MCM4: variants seen among roughly 807,000 people sequenced by gnomAD.
MCM4 encodes the protein minichromosome maintenance complex component 4.
Under a neutral mutation model 88.7 loss-of-function variants are expected in MCM4, and 60 were observed. The observed-to-expected ratio is 0.68, with a 90% CI of 0.55 to 0.84. MCM4 has a LOEUF of 0.84. Among genes scored for constraint, MCM4 ranks in the 40% least tolerant of loss-of-function variants. MCM4 has a pLI of 0.00. For synonymous variants in MCM4, 465 were observed against 410.5 expected, an observed-to-expected ratio of 1.13 and a Z score of -1.61; for missense variants, 1,149 against 1,105.5, an observed-to-expected ratio of 1.04 and a Z score of -0.56.
Position 47,974,793 on chromosome 8 carries a change from A to G in MCM4, c.2196A>G (p.Arg732=). 6.2e-7 allele frequency: 1 copy of G among 1,614,238 alleles called. No homozygotes were observed. The highest frequency in any genetic ancestry group is 1.1e-5 in the South Asian group (1 of 91,092). The change falls in exon 15 of 17, where the codon CGA becomes CGG. Residue 732 remains arginine, a synonymous_variant. Transcript: ENST00000649973. ...SSRGMVSAYP[R]QLESLIRLAE... is the part of the protein sequence containing the mutation. ...GGGGAATGGTTTCTGCATACCCTCG[A>G]CAGCTAGAGTCATTAATCCGCTTAG...
At position 47,974,885 on chromosome 8, in the gene MCM4, G is replaced by A. The variant is rs770266639; in HGVS notation, c.2288G>A (p.Arg763His). Residue 763 changes from arginine to histidine, a missense_variant, in exon 15 of 17, where the codon CGC becomes CAC. Physicochemically the swap from Arg to His is conservative, Grantham distance 29 (BLOSUM62 0). Coordinates refer to ENST00000649973, the MANE Select transcript of MCM4 (RefSeq NM_182746.3). ...VEAIDVEEAK[R>H]LHREALKQSA... ...GCCATTGATGTGGAAGAGGCCAAAC[G>A]CCTCCATCGGGAAGCTCTGAAGCAG... is the stretch of plus-strand genomic sequence containing the variant. 14 of 1,614,092 alleles carry A rather than the reference G, an allele frequency of 8.7e-6. No individual in the cohort carries two copies. The highest frequency in any genetic ancestry group is 3.3e-5 in the Admixed American group (2 of 60,010).
Position 47,972,635 on chromosome 8 carries a change from C to T in MCM4, c.1929-222C>T, listed in dbSNP as rs574294612. Among the ~76,000 whole-genome samples, 7 of 152,242 alleles carry T rather than the reference C, an allele frequency of 4.6e-5. No homozygotes were observed. The East Asian group carries it at 1.2e-3, about 25-fold the overall frequency. On this transcript the variant is annotated intron_variant, in intron 13 of 16. Coordinates refer to ENST00000649973, the MANE Select transcript of MCM4 (RefSeq NM_182746.3). Reference sequence around the variant, plus strand: ...GCAGTGACGCGAACTTGGCTCACCGCAACCTTCGCCTTCCAGGTTCAAGCG... The same window carrying T: ...GCAGTGACGCGAACTTGGCTCACCGTAACCTTCGCCTTCCAGGTTCAAGCG...
Position 47,974,845 on chromosome 8 carries a change from T to C in MCM4, c.2248T>C (p.Ser750Pro). Residue 750 changes from serine to proline, a missense_variant, in exon 15 of 17, where the codon TCT (serine) becomes CCT (proline). Ser to Pro is a moderately conservative substitution (Grantham distance 74, BLOSUM62 -1). Coordinates refer to ENST00000649973, the MANE Select transcript of MCM4 (RefSeq NM_182746.3). ...AGAAGCCCATGCTAAAGTAAGATTG[T>C]CTAACAAAGTTGAAGCCATTGATGT... ...LAEAHAKVRL[S>P]NKVEAIDVEE... The C allele has an allele frequency of 1.9e-6, 3 of 1,614,224 alleles. No individual in the cohort carries two copies. The highest frequency in any genetic ancestry group is 2.2e-5 in the East Asian group (1 of 44,886).
In MCM4 at chr8:47,975,738, C is replaced by T. The variant is rs749728850; in HGVS notation, c.2389C>T (p.Arg797Trp). 7.1e-5 allele frequency: 111 copies of T among 1,572,088 alleles called. No homozygotes were observed. The highest frequency in any genetic ancestry group is 3.4e-4 in the Middle Eastern group (2 of 5,960). ...TTGMSATSRK[R>W]KEELAEALKK... is the part of the protein sequence containing the mutation. Reference sequence around the variant, plus strand: ...AGGGATGAGTGCCACCTCTCGTAAACGGAAAGAAGAATTAGCTGAAGCATT... The same window carrying T: ...AGGGATGAGTGCCACCTCTCGTAAATGGAAAGAAGAATTAGCTGAAGCATT... The change falls in exon 16 of 17, where the codon CGG becomes TGG. Residue 797 changes from arginine to tryptophan, a missense_variant. Arg to Trp is a moderately radical substitution (Grantham distance 101, BLOSUM62 -3). Around this residue, in one of 3 missense-constraint regions of MCM4, gnomAD observed 238 missense variants for 241.6 expected, o/e 0.99. Transcript: ENST00000649973.
Position 47,971,343 on chromosome 8 carries a change from T to C in MCM4, c.1803T>C (p.Ala601=). 1 of 1,614,112 alleles carries C rather than the reference T, an allele frequency of 6.2e-7. No individual in the cohort carries two copies. Among genetic ancestry groups the C allele is most frequent in the Non-Finnish European group, 8.5e-7 (1 of 1,180,014 alleles). The change falls in exon 13 of 17, where the codon GCT becomes GCC. Residue 601 remains alanine, a splice_region_variant and synonymous_variant. Coordinates refer to ENST00000649973, the MANE Select transcript of MCM4 (RefSeq NM_182746.3). ...MEQQTLSIAK[A]GIICQLNART... ...AACTGCACTCTTTGCTCTGATAGGC[T>C]GGGATCATCTGTCAGCTCAATGCGC...
In MCM4 at chr8:47,970,696, A is replaced by T; in HGVS notation, c.1620A>T (p.Ala540=). The T allele has an allele frequency of 6.2e-7, 1 of 1,614,184 alleles. No homozygotes were observed. Among genetic ancestry groups the T allele is most frequent in the Non-Finnish European group, 8.5e-7 (1 of 1,180,040 alleles). The change falls in exon 12 of 17, where the codon GCA becomes GCT. Residue 540 remains alanine, a synonymous_variant. Coordinates refer to ENST00000649973, the MANE Select transcript of MCM4 (RefSeq NM_182746.3). ...GQYTSGKGSS[A]VGLTAYVMKD... is the part of the protein sequence containing the mutation. ...ACACGTCTGGGAAGGGCTCCAGTGC[A>T]GTTGGCCTCACTGCGTACGTAATGA... is the stretch of plus-strand genomic sequence containing the variant.
intron 8 of MCM4, among the ~76,000 whole-genome samples, chr8:47,965,596 C>G (rs17287604): frequency 0.014 from 2,101 of 152,170 alleles, 39 homozygotes; most frequent in African/African-American, 0.04. Context: ...AAATTAGTTG[C>G]GGGCAGTGGG....
In MCM4 at chr8:47,961,233, G is replaced by A. The variant is rs762369572; in HGVS notation, c.70+19G>A. ...CAGACGCGTGAGTCCCCCGAGCCGG[G>A]CCCACTACAGCCCCCGGCGCCGCCC... is the stretch of plus-strand genomic sequence containing the variant. On this transcript the variant is annotated intron_variant, in intron 2 of 16. Coordinates refer to ENST00000649973, the MANE Select transcript of MCM4 (RefSeq NM_182746.3). The A allele has an allele frequency of 1.4e-6, 2 of 1,480,020 alleles. No individual in the cohort carries two copies. The highest frequency in any genetic ancestry group is 8.9e-7 in the Non-Finnish European group (1 of 1,124,312). The allele number at this position is 1,480,020 out of a possible 1,614,324, so 91.7% of individuals were successfully genotyped here.
chr8:47,969,900 C>T lies in MCM4; in HGVS notation c.1277C>T (p.Ala426Val). 2 of 1,614,196 alleles carry T rather than the reference C, an allele frequency of 1.2e-6. No homozygotes were observed. The highest frequency in any genetic ancestry group is 1.7e-5 in the Admixed American group (1 of 60,020). Residue 426 changes from alanine (A) to valine (V), a missense_variant, in exon 11 of 17, where the codon GCA becomes GTA. Ala to Val is a moderately conservative substitution (Grantham distance 64, BLOSUM62 0). Around this residue, in one of 3 missense-constraint regions of MCM4, gnomAD observed 906 missense variants for 843.0 expected, o/e 1.07. Coordinates refer to ENST00000649973, the MANE Select transcript of MCM4 (RefSeq NM_182746.3). ...GTCATTCATTATCGGAAAACGGATG[C>T]AAAACGTCTGCATGGCCTTGATGAA... ...IDVIHYRKTDAKRLHGLDEEA... is the reference protein window; with the variant it reads ...IDVIHYRKTDVKRLHGLDEEA...
chr8:47,975,043 C>T (rs2090989703), intron 15 of MCM4, 81 bp downstream of exon 15: 6 of 1,110,242 alleles, frequency 5.4e-6, no homozygotes, highest in Non-Finnish European at 7.7e-6. Flanking sequence ...TTTAAGCTAA[C>T]AGTTAAATCA....
At position 47,969,982 on chromosome 8, in the gene MCM4, C is replaced by G; in HGVS notation, c.1359C>G (p.Ser453=). The change falls in exon 11 of 17, where the codon TCC becomes TCG. Residue 453 remains serine (S), a synonymous_variant. Coordinates refer to ENST00000649973, the MANE Select transcript of MCM4 (RefSeq NM_182746.3). ...EKRVELLKEL[S]RKPDIYERLA... is the part of the protein sequence containing the mutation. ...GTGTGGAATTGCTTAAGGAACTTTC[C>G]AGGAAACCAGACATTTATGAGAGGC... 6.2e-7 allele frequency: 1 copy of G among 1,614,198 alleles called. No homozygotes were observed. The highest frequency in any genetic ancestry group is 1.7e-5 in the Admixed American group (1 of 60,026).
intron 8 of MCM4, among the ~76,000 whole-genome samples, chr8:47,964,938 G>C (rs1052143128): frequency 6.6e-6 from 1 of 152,154 alleles, no homozygotes; most frequent in Non-Finnish European, 1.5e-5. Flanking sequence ...ACTATTGGCC[G>C]GGCACAGTGG....
intron 16 of MCM4, among the ~76,000 whole-genome samples, 178 bp downstream of exon 16, chr8:47,976,026 G>A (rs1352208638): frequency 6.6e-6 from 1 of 152,144 alleles, no homozygotes; most frequent in Non-Finnish European, 1.5e-5. Flanking sequence ...GCTGGGTGCA[G>A]TAGCTCACGC....
chr8:47,967,394 G>C lies in MCM4; in HGVS notation c.1083G>C (p.Met361Ile), dbSNP rs193178051. 2 of 1,614,152 alleles carry C rather than the reference G, an allele frequency of 1.2e-6. No homozygotes were observed. The highest frequency in any genetic ancestry group is 8.5e-7 in the Non-Finnish European group (1 of 1,180,026). The stretch of plus-strand genomic sequence containing the variant: ...AGCTTCAGGAGTCTCCGGAAGACAT[G>C]CCTGCAGGGCAGACACCACACACAG... Reference protein sequence around the residue: ...MIKLQESPEDMPAGQTPHTVI... With the variant: ...MIKLQESPEDIPAGQTPHTVI... Residue 361 changes from methionine to isoleucine, a missense_variant, in exon 10 of 17, where the codon ATG (methionine) becomes ATC (isoleucine). By Grantham distance (10) the Met-to-Ile change is conservative (BLOSUM62 1). Around this residue, in one of 3 missense-constraint regions of MCM4, gnomAD observed 906 missense variants for 843.0 expected, o/e 1.07. Transcript: ENST00000649973.
rs1428925412 is a variant in MCM4 at position 47,961,025 on chromosome 8, G to C, written c.-15+11G>C. 9.0e-7 allele frequency: 1 copy of C among 1,105,908 alleles called. No homozygotes were observed. Among genetic ancestry groups the C allele is most frequent in the Non-Finnish European group, 1.2e-6 (1 of 824,550 alleles). The allele number at this position is 1,105,908 out of a possible 1,614,324, so 68.5% of individuals were successfully genotyped here. ...GGCCGCCTTTCCACGGTAACCGCGC[G>C]CCGGCGGGGAGGGCGTGGCGCGGAG... is the stretch of plus-strand genomic sequence containing the variant. On this transcript the variant is annotated intron_variant, in intron 1 of 16. Transcript: ENST00000649973.
intron 3 of MCM4, 49 bp downstream of exon 3, chr8:47,961,729 G>T: frequency 6.5e-7 from 1 of 1,549,154 alleles, no homozygotes. Flanking sequence ...CACAGCTGAT[G>T]CTTTATCTGC....
intron 8 of MCM4, among the ~76,000 whole-genome samples, 162 bp downstream of exon 8, chr8:47,964,874 A>G (rs1254625608): frequency 2.0e-5 from 3 of 152,246 alleles, no homozygotes; most frequent in Non-Finnish European, 2.9e-5. Context: ...CTATATACTT[A>G]TGAACCCCCT....
chr8:47,970,119 A>C lies in MCM4; in HGVS notation c.1434+62A>C, dbSNP rs184017790. On this transcript the variant is annotated intron_variant, in intron 11 of 16. Coordinates refer to ENST00000649973, the MANE Select transcript of MCM4 (RefSeq NM_182746.3). ...AATTCTTTGGGATCAAATAGTATAA[A>C]CATCCACTCCGCCACTCGAGCCATC... The C allele has an allele frequency of 2.5e-4, 394 of 1,557,172 alleles. 1 individual carries two copies. In the African/African-American group the frequency reaches 4.7e-3, roughly 19 times the overall value.
chr8:47,961,518 C>T lies in MCM4; in HGVS notation c.73C>T (p.Arg25Trp). 1 of 1,613,964 alleles carries T rather than the reference C, an allele frequency of 6.2e-7. No individual in the cohort carries two copies. The highest frequency in any genetic ancestry group is 1.1e-5 in the South Asian group (1 of 91,068). ...TTTTCTGTTTTGTGTGACACAAGCTCGGAGTGAGGATGCCAGGTCATCTCC... is the reference window on the plus strand; with the variant it reads ...TTTTCTGTTTTGTGTGACACAAGCTTGGAGTGAGGATGCCAGGTCATCTCC... ...RGRATPAQTP[R>W]SEDARSSPSQ... Residue 25 changes from arginine to tryptophan, a missense_variant and splice_region_variant, in exon 3 of 17, where the codon CGG becomes TGG. Arg to Trp is a moderately radical substitution (Grantham distance 101). Around this residue, in one of 3 missense-constraint regions of MCM4, gnomAD observed 906 missense variants for 843.0 expected, o/e 1.07. Coordinates refer to ENST00000649973, the MANE Select transcript of MCM4 (RefSeq NM_182746.3).
Sources: gnomAD v4.1 joint callset for allele counts (sites outside exome capture counted in the v4.1 genomes callset) on GRCh38, gnomAD v4.1.1 for gene constraint, gnomAD v4.1.1 regional missense constraint, MANE v1.5 for transcripts, NCBI Gene and HGNC (gene_info 2026-07-23, HGNC 2026-07-21) for gene names.